FAM184A: variants seen among roughly 807,000 people sequenced by gnomAD.
FAM184A encodes protein FAM184A.
FAM184A carries 99 observed loss-of-function variants against 143.8 expected under a neutral mutation model. The ratio of observed to expected loss-of-function variants is 0.69; its 90% confidence interval spans 0.58 to 0.81. The LOEUF is 0.81. Among genes scored for constraint, FAM184A ranks in the 40% least tolerant of loss-of-function variants. The probability of loss-of-function intolerance (pLI) is 0.00; values close to 1 mark genes in which losing one functional copy is unlikely to be tolerated. For synonymous variants in FAM184A, 427 were observed against 446.4 expected, an observed-to-expected ratio of 0.96 and a Z score of 0.55; for missense variants, 1,217 against 1,310.5, an observed-to-expected ratio of 0.93 and a Z score of 1.10.
intron 17 of FAM184A, 23 bp from the exon 18 acceptor site, chr6:118,960,207 A>G (rs963300689): frequency 6.2e-7 from 1 of 1,600,240 alleles, no homozygotes; most frequent in Non-Finnish European, 8.5e-7. Context: ...AAAGAGAGAC[A>G]TGTAACCCAG....
chr6:119,015,468 G>A (rs1192674676), intron 5 of FAM184A, among the ~76,000 whole-genome samples: 1 of 152,216 alleles, frequency 6.6e-6, no homozygotes, highest in Non-Finnish European at 1.5e-5. Flanking sequence ...TTAGCACCCG[G>A]GCCAGCGGCT....
chr6:119,006,210 T>C (rs1281977479), intron 7 of FAM184A: 1 of 762,822 alleles, frequency 1.3e-6, no homozygotes, highest in Non-Finnish European at 2.4e-6. Context: ...TCCCTTAGAG[T>C]TTAGGAAGGA....
rs1020257143 is a variant in FAM184A, at chr6:118,962,601, C to T, written c.3139-638G>A. ...ATATCTGCATAATTAAGTCTAATTT[C>T]CATATTACTTGGCAGTATCATTAAT... On this transcript the variant is annotated intron_variant, in intron 16 of 17. Transcript: ENST00000338891. 3 of 152,234 alleles carry T rather than the reference C, an allele frequency of 2.0e-5. No individual in the cohort carries two copies. The South Asian group carries it at 6.2e-4, about 32-fold the overall frequency. 9.4% of individuals were successfully genotyped at this position (152,234 alleles called of 1,614,324 possible).
chr6:118,999,987 A>G (rs974115879), intron 9 of FAM184A, among the ~76,000 whole-genome samples: 1 of 152,200 alleles, frequency 6.6e-6, no homozygotes, highest in African/African-American at 2.4e-5. Context: ...AAGTATAAAC[A>G]TTGTGTCAGA....
chr6:119,093,818 G>A (rs1000695263), intron 1 of FAM184A, among the ~76,000 whole-genome samples: 5 of 151,792 alleles, frequency 3.3e-5, no homozygotes, highest in Non-Finnish European at 7.4e-5. Context: ...TTCATCCCAA[G>A]TCTGAGTCCC....
At position 119,023,098 on chromosome 6, in the gene FAM184A, G is replaced by C; in HGVS notation, c.1015-18C>G. On this transcript the variant is annotated intron_variant, in intron 2 of 17. Coordinates refer to ENST00000338891, the MANE Select transcript of FAM184A (RefSeq NM_024581.6). ...TGAAGAACCTAAGAAAGATTAAATA[G>C]CCATTGTTAAAATGCAGGAATAATA... 1.9e-6 allele frequency: 3 copies of C among 1,613,078 alleles called. No individual in the cohort carries two copies. The highest frequency in any genetic ancestry group is 2.5e-6 in the Non-Finnish European group (3 of 1,179,354).
At chr6:119,094,561 A>G (rs913143017) in intron 1 of FAM184A, among the ~76,000 whole-genome samples, 4 of 152,154 alleles carry the variant, frequency 2.6e-5, no homozygotes, top group Non-Finnish European at 5.9e-5. Flanking sequence ...TTTTGTTTTC[A>G]TCTGACTGGT....
rs80053874 is a variant in FAM184A, at chr6:119,116,067, G to A, written c.-202+33011C>T. Among the ~76,000 whole-genome samples, 1,003 of 151,854 alleles carry A rather than the reference G, an allele frequency of 6.6e-3. 16 individuals carry two copies. Among genetic ancestry groups the A allele is most frequent in the East Asian group, 0.061 (317 of 5,156 alleles). ...ACTAGAGACTGTCTTGGGGCTTTAT[G>A]GTGGTTAGGAGATGGGGCCACAGTG... On this transcript the variant is annotated intron_variant, in intron 1 of 16. Transcript: ENST00000352896.
chr6:118,975,844 T>C (rs1783828586), intron 12 of FAM184A, 73 bp downstream of exon 12: 1 of 1,420,886 alleles, frequency 7.0e-7, no homozygotes, highest in Middle Eastern at 2.2e-4. Context: ...TACAAAATAA[T>C]TTTCAGGAAA....
At chr6:119,009,414 A>T (rs1490426439) in intron 6 of FAM184A, 1 of 153,064 alleles carries the variant, frequency 6.5e-6, no homozygotes, top group Non-Finnish European at 1.5e-5. Flanking sequence ...GATGGTTTTT[A>T]AAAAATGGGA....
At chr6:119,032,512 GAGAGGA>G (rs1282139092) in intron 1 of FAM184A, among the ~76,000 whole-genome samples, 2 of 147,496 alleles carry the variant, frequency 1.4e-5, no homozygotes, top group Non-Finnish European at 3.0e-5. Context: ...AGGGAAGAGG[GAGAGGA>G]AGAGGAAGAG....
At chr6:119,029,284 T>C (rs1785781785) in intron 1 of FAM184A, among the ~76,000 whole-genome samples, 1 of 152,258 alleles carries the variant, frequency 6.6e-6, no homozygotes, top group Non-Finnish European at 1.5e-5. Flanking sequence ...GTGGAATTCA[T>C]ATTTTGGGGA....
At chr6:119,018,979 G>A (rs1785356062) in intron 4 of FAM184A, among the ~76,000 whole-genome samples, 1 of 152,092 alleles carries the variant, frequency 6.6e-6, no homozygotes, top group African/African-American at 2.4e-5. Flanking sequence ...GTAACTTGAT[G>A]TTTGTGAAAA....
intron 1 of FAM184A, among the ~76,000 whole-genome samples, chr6:119,044,759 T>C (rs1478644409): frequency 1.3e-5 from 2 of 152,304 alleles, no homozygotes; most frequent in South Asian, 2.1e-4. Flanking sequence ...TTTGTAAACG[T>C]GAAGAAAAGG....
chr6:119,103,376 A>G (rs957331643), intron 1 of FAM184A, among the ~76,000 whole-genome samples: 3 of 152,220 alleles, frequency 2.0e-5, no homozygotes, highest in Admixed American at 6.5e-5. Context: ...AATTTCTATT[A>G]TTTAAGCCAA....
At chr6:119,088,177 T>C (rs985180739) in intron 1 of FAM184A, among the ~76,000 whole-genome samples, 3 of 152,184 alleles carry the variant, frequency 2.0e-5, no homozygotes, top group African/African-American at 7.2e-5. Flanking sequence ...GTGATGGTTG[T>C]ACAACAGTGT....
intron 1 of FAM184A, among the ~76,000 whole-genome samples, chr6:119,063,263 TGTG>T (rs1272297731): frequency 6.6e-6 from 1 of 152,142 alleles, no homozygotes; most frequent in Non-Finnish European, 1.5e-5. Context: ...CTGTAAAATT[TGTG>T]TTGTTTAACA....
At chr6:119,063,142 T>A (rs1028419456) in intron 1 of FAM184A, among the ~76,000 whole-genome samples, 7 of 152,232 alleles carry the variant, frequency 4.6e-5, no homozygotes, top group Non-Finnish European at 7.3e-5. Flanking sequence ...TATTTATTCA[T>A]GCTATTCATT....
At chr6:119,148,727 G>T (rs1337883440) in intron 1 of FAM184A, among the ~76,000 whole-genome samples, 1 of 151,914 alleles carries the variant, frequency 6.6e-6, no homozygotes, top group African/African-American at 2.4e-5. Flanking sequence ...CCACATGATG[G>T]CACTATAAAT....
Sources: gnomAD v4.1 joint callset for allele counts (sites outside exome capture counted in the v4.1 genomes callset) on GRCh38, gnomAD v4.1.1 for gene constraint, MANE v1.5 for transcripts, NCBI Gene and HGNC (gene_info 2026-07-23, HGNC 2026-07-21) for gene names.